MAGI2: variants seen among roughly 807,000 people sequenced by gnomAD.
MAGI2 encodes membrane associated guanylate kinase, WW and PDZ domain containing 2, also known as membrane-associated guanylate kinase, WW and PDZ domain-containing protein 2.
MAGI2 carries 35 observed loss-of-function variants against 133.3 expected under a neutral mutation model. That is an observed-to-expected ratio of 0.26 (90% CI 0.20 to 0.35). The LOEUF is 0.35. MAGI2 is among the 10% of genes least tolerant of loss of function. MAGI2 has a pLI of 1.00. For missense variants in MAGI2, 1,636 were observed against 1,863.4 expected (o/e 0.88, Z 2.25); for synonymous variants, 729 against 710.6 (o/e 1.03, Z -0.41).
intron 1 of MAGI2, among the ~76,000 whole-genome samples, chr7:79,245,048 G>A (rs1296138557): frequency 1.3e-5 from 2 of 152,108 alleles, no homozygotes; most frequent in Non-Finnish European, 2.9e-5. Flanking sequence ...CTTCCTTAAA[G>A]GTAAAGACTC....
At chr7:78,488,845 C>G (rs1169618257) in intron 6 of MAGI2, among the ~76,000 whole-genome samples, 1 of 151,866 alleles carries the variant, frequency 6.6e-6, no homozygotes, top group South Asian at 2.1e-4. Context: ...AAAAGAAAGG[C>G]CTTTTAGAAT....
At chr7:78,867,770 C>A (rs996058098) in intron 2 of MAGI2, among the ~76,000 whole-genome samples, 2 of 151,874 alleles carry the variant, frequency 1.3e-5, no homozygotes, top group Admixed American at 6.6e-5. Context: ...GCTGGGGAGA[C>A]AACAATAGAC....
At chr7:78,264,545 T>C (rs981514706) in intron 9 of MAGI2, among the ~76,000 whole-genome samples, 1 of 152,162 alleles carries the variant, frequency 6.6e-6, no homozygotes, top group Non-Finnish European at 1.5e-5. Flanking sequence ...CTGTATTTGC[T>C]AGGTCCATTT....
At chr7:78,051,963 C>T (rs1431968215) in intron 21 of MAGI2, among the ~76,000 whole-genome samples, 2 of 151,072 alleles carry the variant, frequency 1.3e-5, no homozygotes, top group African/African-American at 2.5e-5. Flanking sequence ...AGCTCACTGC[C>T]TGGGCTCAAG....
At chr7:78,512,614 C>T (rs62468563) in intron 4 of MAGI2, among the ~76,000 whole-genome samples, 8,541 of 152,146 alleles carry the variant, frequency 0.056, 281 homozygotes, top group Middle Eastern at 0.15. Flanking sequence ...CCATGTTGGC[C>T]AGGCTGGTCT....
rs540303784 is a variant in MAGI2 at position 78,860,927 on chromosome 7, T to G, written c.418+146163A>C. Among the ~76,000 whole-genome samples the G allele has an allele frequency of 1.2e-4, 18 of 152,248 alleles. No homozygotes were observed. The East Asian group carries it at 3.1e-3, about 26-fold the overall frequency. On this transcript the variant is annotated intron_variant, in intron 2 of 21. Transcript: ENST00000354212. ...CTTCCAGGCAGCTTTGTTTACCTAC[T>G]CAAGCCTCAGCAATGGCGGGCACCC...
intron 21 of MAGI2, among the ~76,000 whole-genome samples, chr7:78,054,911 C>A (rs1200918517): frequency 6.6e-6 from 1 of 152,176 alleles, no homozygotes; most frequent in Non-Finnish European, 1.5e-5. Flanking sequence ...CCTTGGCCTC[C>A]CAAAGTGCTG....
At chr7:79,106,270 A>G (rs1818440628) in intron 1 of MAGI2, among the ~76,000 whole-genome samples, 1 of 152,104 alleles carries the variant, frequency 6.6e-6, no homozygotes, top group Non-Finnish European at 1.5e-5. Flanking sequence ...AGAGATAAGG[A>G]ACAAATCAGT....
At chr7:79,135,739 G>A (rs899069109) in intron 1 of MAGI2, among the ~76,000 whole-genome samples, 3 of 151,866 alleles carry the variant, frequency 2.0e-5, no homozygotes, top group Middle Eastern at 3.4e-3. Flanking sequence ...TCGGGAGTCC[G>A]AGATGAGCCT....
intron 10 of MAGI2, among the ~76,000 whole-genome samples, chr7:78,249,720 G>A (rs1792183618): frequency 6.6e-6 from 1 of 152,022 alleles, no homozygotes; most frequent in Non-Finnish European, 1.5e-5. Flanking sequence ...TGGGAAGGAG[G>A]GGTAGGGGGA....
intron 2 of MAGI2, among the ~76,000 whole-genome samples, chr7:78,970,574 T>C (rs754440375): frequency 4.6e-5 from 7 of 152,026 alleles, no homozygotes; most frequent in Non-Finnish European, 8.8e-5. Context: ...TTTTTTTTCC[T>C]GAGTTGCTTG....
chr7:78,331,586 G>A (rs1176946824), intron 9 of MAGI2, among the ~76,000 whole-genome samples: 1 of 152,118 alleles, frequency 6.6e-6, no homozygotes, highest in East Asian at 1.9e-4. Context: ...CACTAATATA[G>A]TCACAGCCAA....
intron 1 of MAGI2, among the ~76,000 whole-genome samples, chr7:79,198,691 A>G (rs1828312498): frequency 6.6e-6 from 1 of 152,010 alleles, no homozygotes; most frequent in Admixed American, 6.6e-5. Context: ...GTTTGAGACC[A>G]GCCTGGCCAA....
chr7:78,654,030 T>C (rs1453377113), intron 2 of MAGI2, among the ~76,000 whole-genome samples: 1 of 152,142 alleles, frequency 6.6e-6, no homozygotes, highest in Non-Finnish European at 1.5e-5. Context: ...GAAGGCAAAA[T>C]AATAGTATTT....
intron 1 of MAGI2, among the ~76,000 whole-genome samples, chr7:79,225,536 A>G (rs1255009383): frequency 1.3e-5 from 2 of 152,182 alleles, no homozygotes; most frequent in African/African-American, 2.4e-5. Context: ...TATATTTGAC[A>G]TATGTTTTGC....
intron 1 of MAGI2, among the ~76,000 whole-genome samples, chr7:79,305,800 A>T (rs1414686747): frequency 6.6e-6 from 1 of 152,032 alleles, no homozygotes; most frequent in Non-Finnish European, 1.5e-5. Flanking sequence ...ACATGCCTAT[A>T]GTCCCAGCTG....
intron 3 of MAGI2, among the ~76,000 whole-genome samples, chr7:78,622,472 C>A (rs757363748): frequency 1.3e-5 from 2 of 151,918 alleles, no homozygotes; most frequent in South Asian, 4.1e-4. Context: ...ATTAAAGGAA[C>A]CATTAATTGC....
At chr7:79,433,237 G>A (rs1305087962) in intron 1 of MAGI2, among the ~76,000 whole-genome samples, 2 of 152,070 alleles carry the variant, frequency 1.3e-5, no homozygotes, top group Non-Finnish European at 1.5e-5. Flanking sequence ...TACACTTTAA[G>A]GCAGGAGTAG....
At chr7:79,255,623 G>T (rs912516970) in intron 1 of MAGI2, among the ~76,000 whole-genome samples, 2 of 152,054 alleles carry the variant, frequency 1.3e-5, no homozygotes, top group Non-Finnish European at 2.9e-5. Context: ...CAGGATATCA[G>T]GTCAGTGTCT....
Sources: allele counts gnomAD v4.1 joint callset (sites outside exome capture counted in the v4.1 genomes callset), GRCh38; gene constraint gnomAD v4.1.1; transcripts MANE v1.5; gene names NCBI Gene and HGNC (gene_info 2026-07-23, HGNC 2026-07-21).